Variants in DAPK1 observed in about 807,000 individuals in gnomAD.
DAPK1 encodes the protein death-associated protein kinase 1.
DAPK1 carries 56 observed loss-of-function variants against 144.9 expected under a neutral mutation model. That is an observed-to-expected ratio of 0.39 (90% CI 0.31 to 0.48). The LOEUF is 0.48. Among genes scored for constraint, DAPK1 ranks in the 20% least tolerant of loss-of-function variants. The pLI is 0.95. For synonymous variants in DAPK1, 690 were observed against 749.0 expected (o/e 0.92, Z 1.29); for missense variants, 1,454 against 1,875.4 (o/e 0.78, Z 4.15).
chr9:87,658,432 C>T (rs563639420), intron 18 of DAPK1, among the ~76,000 whole-genome samples: 35 of 152,174 alleles, frequency 2.3e-4, no homozygotes, highest in Non-Finnish European at 4.7e-4. Flanking sequence ...GGTGTGTGTA[C>T]TTCCCCTTCC....
intron 25 of DAPK1, among the ~76,000 whole-genome samples, chr9:87,704,415 A>G (rs1243237467): frequency 6.6e-6 from 1 of 152,200 alleles, no homozygotes; most frequent in Non-Finnish European, 1.5e-5. Context: ...ATGAAGATGT[A>G]AAGAAGGAGG....
At chr9:87,501,679 T>C (rs1824406224) in intron 2 of DAPK1, among the ~76,000 whole-genome samples, 1 of 152,210 alleles carries the variant, frequency 6.6e-6, no homozygotes, top group Non-Finnish European at 1.5e-5. Flanking sequence ...TTTGAAGAAG[T>C]AGAGTACAAG....
At chr9:87,528,342 C>G (rs765553565) in intron 2 of DAPK1, among the ~76,000 whole-genome samples, 1 of 151,884 alleles carries the variant, frequency 6.6e-6, no homozygotes, top group Admixed American at 6.6e-5. Flanking sequence ...CTCAGCCTTC[C>G]GAGTAGCTGG....
chr9:87,675,996 G>A (rs1298408024), intron 19 of DAPK1, among the ~76,000 whole-genome samples: 1 of 151,918 alleles, frequency 6.6e-6, no homozygotes, highest in Non-Finnish European at 1.5e-5. Context: ...CTGACTGCAG[G>A]AGGTCTTGCC....
chr9:87,579,859 A>C (rs1827689772), intron 2 of DAPK1, among the ~76,000 whole-genome samples: 1 of 152,096 alleles, frequency 6.6e-6, no homozygotes, highest in Non-Finnish European at 1.5e-5. Context: ...CCTCCAATAA[A>C]AATGTATTAA....
intron 3 of DAPK1, among the ~76,000 whole-genome samples, chr9:87,634,668 G>A (rs139795085): frequency 3.3e-5 from 5 of 152,280 alleles, no homozygotes; most frequent in Admixed American, 6.5e-5. Context: ...GACCGTCTTC[G>A]GAAAAATGTG....
intron 3 of DAPK1, among the ~76,000 whole-genome samples, chr9:87,613,630 G>A (rs1435133002): frequency 6.6e-6 from 1 of 152,182 alleles, no homozygotes; most frequent in Non-Finnish European, 1.5e-5. Flanking sequence ...AGAATCGCAA[G>A]AGCCTTTGAA....
intron 19 of DAPK1, among the ~76,000 whole-genome samples, chr9:87,680,147 C>T (rs964704940): frequency 2.6e-5 from 4 of 152,114 alleles, no homozygotes; most frequent in Middle Eastern, 6.8e-3. Context: ...CTTTGTCACC[C>T]AGGCTGGAGT....
intron 3 of DAPK1, chr9:87,633,032 G>A (rs894983216): frequency 1.0e-6 from 1 of 979,952 alleles, no homozygotes; most frequent in Non-Finnish European, 1.2e-6. Flanking sequence ...ATATATGTAG[G>A]GATGAAGGAG....
rs61324273 is a variant in DAPK1 at position 87,692,952 on chromosome 9, CTTTTTTTTTTTTTTTTTTTTTTTTTTT to C, written c.2414-4042_2414-4016del. ...GGGCGTTCCCTTGTAAGTGACTAGA[CTTTTTTTTTTTTTTTTTTTTTTTTTTT>C]TTTTTTTTTTTTCTGTTTTCAGACT... On this transcript the variant is annotated intron_variant, in intron 21 of 25. Transcript: ENST00000408954. Among the ~76,000 whole-genome samples, 231 of 26,410 alleles carry C rather than the reference CTTTTTTTTTTTTTTTTTTTTTTTTTTT, an allele frequency of 8.7e-3. 3 individuals are homozygous for C. The highest frequency in any genetic ancestry group is 0.013 in the Non-Finnish European group (165 of 12,424). 17.3% of individuals were successfully genotyped at this position (26,410 alleles called of 152,430 possible).
chr9:87,520,586 G>GAATT (rs1266613010), intron 2 of DAPK1, among the ~76,000 whole-genome samples: 8 of 152,208 alleles, frequency 5.3e-5, no homozygotes, highest in African/African-American at 1.9e-4. Flanking sequence ...TTGGGGGGAT[G>GAATT]AATTAGGATA....
intron 2 of DAPK1, among the ~76,000 whole-genome samples, chr9:87,526,916 T>TA (rs1369285686): frequency 5.3e-5 from 8 of 152,164 alleles, no homozygotes; most frequent in Non-Finnish European, 2.9e-5. Context: ...ACCATCCCCA[T>TA]ATGCTGTTTC....
intron 3 of DAPK1, among the ~76,000 whole-genome samples, chr9:87,631,081 C>T (rs1321317994): frequency 6.6e-6 from 1 of 152,098 alleles, no homozygotes; most frequent in Non-Finnish European, 1.5e-5. Context: ...GGCTTTGTGA[C>T]CTAGGAGCCA....
intron 2 of DAPK1, among the ~76,000 whole-genome samples, chr9:87,539,323 C>T (rs1299452742): frequency 6.6e-6 from 1 of 151,956 alleles, no homozygotes; most frequent in Non-Finnish European, 1.5e-5. Flanking sequence ...CCTCTCTTAT[C>T]CTTGGTGTCG....
At chr9:87,508,826 A>G (rs1002333527) in intron 2 of DAPK1, among the ~76,000 whole-genome samples, 1 of 152,154 alleles carries the variant, frequency 6.6e-6, no homozygotes, top group South Asian at 2.1e-4. Context: ...TCATATGTCT[A>G]TCCAGGACTG....
chr9:87,645,977 G>T lies in DAPK1; in HGVS notation c.1094G>T (p.Gly365Val). The T allele has an allele frequency of 6.2e-7, 1 of 1,614,058 alleles. No homozygotes were observed. The highest frequency in any genetic ancestry group is 8.5e-7 in the Non-Finnish European group (1 of 1,179,966). The change falls in exon 12 of 26, where the codon GGC (glycine) becomes GTC (valine). Residue 365 changes from glycine (G) to valine (V), a missense_variant. By Grantham distance (109) the Gly-to-Val change is moderately radical. Coordinates refer to ENST00000408954, the MANE Select transcript of DAPK1 (RefSeq NM_004938.4). Reference protein sequence around the residue: ...DNVPGLQHLLGSLSNYDVNQP... With the variant: ...DNVPGLQHLLVSLSNYDVNQP... ...GTCCCAGGCCTGCAGCACCTTCTGGGCTCATTATCCAACTATGATGTTAAC... is the reference window on the plus strand; with the variant it reads ...GTCCCAGGCCTGCAGCACCTTCTGGTCTCATTATCCAACTATGATGTTAAC...
In DAPK1 at chr9:87,706,527, G is replaced by A. The variant is rs1365491029; in HGVS notation, c.3456G>A (p.Leu1152=). 1 of 1,614,040 alleles carries A rather than the reference G, an allele frequency of 6.2e-7. No homozygotes were observed. Among genetic ancestry groups the A allele is most frequent in the East Asian group, 2.2e-5 (1 of 44,872 alleles). ...TCTTTCACAAGGTCCAGGTGAACCT[G>A]TGCCGGTGGATCCACCAGCAAAGCA... is the stretch of plus-strand genomic sequence containing the variant. ...CGIFHKVQVN[L]CRWIHQQSTE... The change falls in exon 26 of 26, where the codon CTG becomes CTA. Residue 1152 remains leucine, a synonymous_variant. Transcript: ENST00000408954. The surrounding 1 kb of genome is among the most constrained non-coding windows in gnomAD (Gnocchi z 9.0).
In DAPK1 at chr9:87,645,950, A is replaced by G; in HGVS notation, c.1067A>G (p.Asn356Ser). 1 of 1,614,092 alleles carries G rather than the reference A, an allele frequency of 6.2e-7. No homozygotes were observed. The highest frequency in any genetic ancestry group is 1.1e-5 in the South Asian group (1 of 91,074). The stretch of plus-strand genomic sequence containing the variant: ...ATCATCCATGCCATCAACGATGACA[A>G]TGTCCCAGGCCTGCAGCACCTTCTG... ...KAIIHAINDDNVPGLQHLLGS... is the reference protein window; with the variant it reads ...KAIIHAINDDSVPGLQHLLGS... Residue 356 changes from asparagine (N) to serine (S), a missense_variant, in exon 12 of 26, where the codon AAT (asparagine) becomes AGT (serine). By Grantham distance (46) the Asn-to-Ser change is conservative. Around this residue, in one of 2 missense-constraint regions of DAPK1, gnomAD observed 429 missense variants for 637.5 expected, o/e 0.67. Transcript: ENST00000408954.
At chr9:87,576,852 G>A (rs1390825277) in intron 2 of DAPK1, among the ~76,000 whole-genome samples, 1 of 152,136 alleles carries the variant, frequency 6.6e-6, no homozygotes, top group Non-Finnish European at 1.5e-5. Context: ...GAGCCACCGC[G>A]CCTGGCCCTG....
Sources: gnomAD v4.1 joint callset for allele counts (sites outside exome capture counted in the v4.1 genomes callset) on GRCh38, gnomAD v4.1.1 for gene constraint, gnomAD v4.1.1 regional missense constraint, Gnocchi (gnomAD v3.1) non-coding constraint, MANE v1.5 for transcripts, NCBI Gene and HGNC (gene_info 2026-07-23, HGNC 2026-07-21) for gene names.